MEIS1: variants seen among roughly 807,000 people sequenced by gnomAD.
MEIS1 encodes the protein Meis homeobox 1.
MEIS1 carries 5 observed loss-of-function variants against 50.8 expected under a neutral mutation model. The observed-to-expected ratio is 0.10, with a 90% CI of 0.05 to 0.21. The LOEUF (loss-of-function observed/expected upper bound fraction) is 0.21, where lower values mean the gene tolerates loss of function less well. MEIS1 is among the 10% of genes least tolerant of loss of function. MEIS1 has a pLI of 1.00. For missense variants in MEIS1, 318 were observed against 517.3 expected, an observed-to-expected ratio of 0.61 and a Z score of 3.74; for synonymous variants, 176 against 179.3, an observed-to-expected ratio of 0.98 and a Z score of 0.15.
rs372170131 is a variant in MEIS1, at chr2:66,460,081, A to G, written c.631-4028A>G. 1.1e-3 allele frequency among the ~76,000 whole-genome samples: 160 copies of G among 152,256 alleles called. 1 individual carries two copies. The highest frequency in any genetic ancestry group is 2.7e-3 in the Admixed American group (42 of 15,296). ...TTGAAAAAGAGTGAATGGTAGAAGA[A>G]AAAAAAGTCACCAGTGGTAACTTTA... On this transcript the variant is annotated intron_variant, in intron 6 of 12. Transcript: ENST00000272369.
intron 9 of MEIS1, among the ~76,000 whole-genome samples, chr2:66,549,339 T>C (rs923790355): frequency 2.0e-5 from 3 of 152,092 alleles, no homozygotes; most frequent in Non-Finnish European, 4.4e-5. Flanking sequence ...CATCAGTGGA[T>C]GGTAAACCAA....
rs985754779 is a variant in MEIS1 at position 66,504,786 on chromosome 2, T to C, written c.743-7363T>C. ...CACTTGTTAAGCCTCTTCTAGAACT[T>C]AGCTCTGCCACAGTAGGTTCCCACG... On this transcript the variant is annotated intron_variant, in intron 7 of 12. Transcript: ENST00000272369. Among the ~76,000 whole-genome samples, 14 of 152,202 alleles carry C rather than the reference T, an allele frequency of 9.2e-5. 1 individual carries two copies. The highest frequency in any genetic ancestry group is 3.1e-4 in the African/African-American group (13 of 41,458).
chr2:66,448,557 A>C (rs1672204460), intron 6 of MEIS1, among the ~76,000 whole-genome samples: 1 of 152,190 alleles, frequency 6.6e-6, no homozygotes, highest in African/African-American at 2.4e-5. Context: ...GCCATAAATG[A>C]AAATACTGTC....
chr2:66,478,479 C>A (rs970009801), intron 7 of MEIS1, among the ~76,000 whole-genome samples: 11 of 152,162 alleles, frequency 7.2e-5, no homozygotes, highest in African/African-American at 2.7e-4. Flanking sequence ...TATTTTTAAT[C>A]CGTAAGTTGC....
chr2:66,563,162 T>C (rs1203500707), intron 9 of MEIS1, among the ~76,000 whole-genome samples: 1 of 152,178 alleles, frequency 6.6e-6, no homozygotes, highest in Admixed American at 6.5e-5. Context: ...AAAAGTTTCC[T>C]CTTACATCTT....
At chr2:66,446,841 T>C (rs895799790) in intron 6 of MEIS1, among the ~76,000 whole-genome samples, 3 of 152,218 alleles carry the variant, frequency 2.0e-5, no homozygotes, top group Non-Finnish European at 4.4e-5. Flanking sequence ...GCCTCTGGGA[T>C]CTGGGGCAGG....
chr2:66,463,147 A>C (rs781515628), intron 6 of MEIS1, among the ~76,000 whole-genome samples: 1 of 151,854 alleles, frequency 6.6e-6, no homozygotes, highest in Non-Finnish European at 1.5e-5. Context: ...CTACTACTAT[A>C]TAGTCATGAA....
intron 7 of MEIS1, among the ~76,000 whole-genome samples, chr2:66,499,858 A>G (rs188432811): frequency 1.3e-5 from 2 of 152,282 alleles, no homozygotes; most frequent in Admixed American, 1.3e-4. Context: ...TAACTCTCTC[A>G]TATCTGATTA....
At chr2:66,523,745 CA>C (rs1674184147) in intron 8 of MEIS1, among the ~76,000 whole-genome samples, 1 of 152,182 alleles carries the variant, frequency 6.6e-6, no homozygotes, top group Non-Finnish European at 1.5e-5. Context: ...CTGTATTTTA[CA>C]TTTGAACTAA....
intron 7 of MEIS1, among the ~76,000 whole-genome samples, chr2:66,494,067 A>G (rs1033274877): frequency 6.6e-6 from 1 of 152,214 alleles, no homozygotes; most frequent in Non-Finnish European, 1.5e-5. Flanking sequence ...GTATAGAAAT[A>G]TAAGTTTAAT....
chr2:66,547,048 TGTG>T (rs1288009293), intron 8 of MEIS1, among the ~76,000 whole-genome samples: 1 of 152,144 alleles, frequency 6.6e-6, no homozygotes, highest in African/African-American at 2.4e-5. Flanking sequence ...TTTATTGAGA[TGTG>T]GTGTTTCAAG....
At chr2:66,481,310 C>T (rs1673010086) in intron 7 of MEIS1, among the ~76,000 whole-genome samples, 1 of 152,200 alleles carries the variant, frequency 6.6e-6, no homozygotes. Context: ...CTTTCTAAGC[C>T]CCCATTGCTA....
At position 66,531,614 on chromosome 2, in the gene MEIS1, G is replaced by A. The variant is rs377571258; in HGVS notation, c.889-16329G>A. Reference sequence around the variant, plus strand: ...TGTCTTTGGGAGTGCCACGTACACGGTTACACAACGCATAAAGGCGAGGGT... The same window carrying A: ...TGTCTTTGGGAGTGCCACGTACACGATTACACAACGCATAAAGGCGAGGGT... On this transcript the variant is annotated intron_variant, in intron 8 of 12. Transcript: ENST00000272369. Among the ~76,000 whole-genome samples, 24 of 152,310 alleles carry A rather than the reference G, an allele frequency of 1.6e-4. 1 individual carries two copies. The South Asian group carries it at 5.0e-3, about 32-fold the overall frequency.
chr2:66,484,275 G>T (rs1673084714), intron 7 of MEIS1, among the ~76,000 whole-genome samples: 1 of 152,018 alleles, frequency 6.6e-6, no homozygotes, highest in Admixed American at 6.6e-5. Context: ...CTGACTACCC[G>T]CTCACCCTCT....
At chr2:66,548,578 G>A (rs1674846517) in intron 9 of MEIS1, among the ~76,000 whole-genome samples, 1 of 152,166 alleles carries the variant, frequency 6.6e-6, no homozygotes, top group Non-Finnish European at 1.5e-5. Context: ...TAAATAAAGT[G>A]TAAATTCCTG....
chr2:66,561,461 A>G (rs904397799), intron 9 of MEIS1, among the ~76,000 whole-genome samples: 20 of 152,054 alleles, frequency 1.3e-4, no homozygotes, highest in Non-Finnish European at 2.5e-4. Context: ...TGAATTATAT[A>G]TCAATTATCA....
At chr2:66,440,417 C>G in intron 3 of MEIS1, 145 bp from the exon 4 acceptor site, 1 of 710,396 alleles carries the variant, frequency 1.4e-6, no homozygotes, top group African/African-American at 1.8e-5. Flanking sequence ...GGGACGAACT[C>G]GGTGTCACCG....
At chr2:66,552,072 G>GT (rs1168154043) in intron 9 of MEIS1, among the ~76,000 whole-genome samples, 1 of 151,520 alleles carries the variant, frequency 6.6e-6, no homozygotes, top group Non-Finnish European at 1.5e-5. Context: ...ATACTTGGTT[G>GT]TTTTTTCTCC....
At chr2:66,495,448 T>C (rs902948870) in intron 7 of MEIS1, among the ~76,000 whole-genome samples, 1 of 152,168 alleles carries the variant, frequency 6.6e-6, no homozygotes, top group Admixed American at 6.5e-5. Flanking sequence ...GGGGAACTTA[T>C]TGCCCCAAAT....
Sources: allele counts gnomAD v4.1 joint callset (sites outside exome capture counted in the v4.1 genomes callset), GRCh38; gene constraint gnomAD v4.1.1; transcripts MANE v1.5; gene names NCBI Gene and HGNC (gene_info 2026-07-23, HGNC 2026-07-21).